The following GNG7 variants were observed in gnomAD, a reference collection of about 807,000 sequenced individuals.
GNG7 encodes the protein G protein subunit gamma 7, also known as guanine nucleotide-binding protein G(I)/G(S)/G(O) subunit gamma-7.
Under a neutral mutation model 4.0 loss-of-function variants are expected in GNG7, and 1 was observed. That is an observed-to-expected ratio of 0.25 (90% CI 0.09 to 1.18). The LOEUF (loss-of-function observed/expected upper bound fraction) is 1.18. GNG7 is among the 50% of genes most tolerant of loss of function. GNG7 has a pLI of 0.50. For missense variants in GNG7, 86 were observed against 91.9 expected (o/e 0.94, Z 0.26); for synonymous variants, 34 against 36.9 (o/e 0.92, Z 0.29).
At chr19:2,688,627 C>A (rs1401785776) in intron 1 of GNG7, among the ~76,000 whole-genome samples, 1 of 152,150 alleles carries the variant, frequency 6.6e-6, no homozygotes, top group African/African-American at 2.4e-5. Flanking sequence ...AGGTAACGAA[C>A]ATCTAAGACA....
At chr19:2,701,618 CA>C (rs1223857685) in intron 1 of GNG7, among the ~76,000 whole-genome samples, 2 of 150,726 alleles carry the variant, frequency 1.3e-5, no homozygotes, top group Non-Finnish European at 3.0e-5. Flanking sequence ...TCACCAACCC[CA>C]TTCCTCAGTC....
chr19:2,512,770 T>G lies in GNG7; in HGVS notation c.*2252A>C. 5.1e-6 allele frequency: 2 copies of G among 392,392 alleles called. No individual in the cohort carries two copies. Among genetic ancestry groups the G allele is most frequent in the Non-Finnish European group, 6.9e-6 (2 of 287,950 alleles). The allele number at this position is 392,392 out of a possible 1,614,324, so 24.3% of individuals were successfully genotyped here. On this transcript the variant is annotated 3_prime_UTR_variant, in exon 5 of 5. Coordinates refer to ENST00000382159, the MANE Select transcript of GNG7 (RefSeq NM_052847.3). This position sits in a 1 kb window ranked among gnomAD's most constrained non-coding sequence, Gnocchi z 4.7. ...TTTTAAGGAAAAACGGGGTGGGGTG[T>G]GTTTGTTCCCAGTTACCAAGATGGC...
intron 2 of GNG7, among the ~76,000 whole-genome samples, chr19:2,621,569 C>T (rs1308593225): frequency 1.3e-5 from 2 of 151,764 alleles, no homozygotes; most frequent in African/African-American, 2.4e-5. Context: ...TGTTGGTGCG[C>T]GCCTGTAATC....
In GNG7 at chr19:2,546,941, G is replaced by A. The variant is rs73921337; in HGVS notation, c.-38+8208C>T. On this transcript the variant is annotated intron_variant, in intron 3 of 4. Transcript: ENST00000382159. This position sits in a 1 kb window ranked among gnomAD's most constrained non-coding sequence, Gnocchi z 6.3. ...GAGGAAATGCTGTCACCCTGGCCCCGGGCCAGGGCAAGGGGCAGCGCCGGC... is the reference window on the plus strand; with the variant it reads ...GAGGAAATGCTGTCACCCTGGCCCCAGGCCAGGGCAAGGGGCAGCGCCGGC... Among the ~76,000 whole-genome samples, 641 of 152,176 alleles carry A rather than the reference G, an allele frequency of 4.2e-3. 3 individuals are homozygous for A. The highest frequency in any genetic ancestry group is 0.014 in the African/African-American group (602 of 41,526).
intron 1 of GNG7, among the ~76,000 whole-genome samples, chr19:2,656,017 T>A (rs1212140023): frequency 8.4e-6 from 1 of 118,514 alleles, no homozygotes; most frequent in African/African-American, 3.6e-5. Flanking sequence ...AGAGTGAGAC[T>A]CCGATTCAAA....
At chr19:2,585,608 C>G (rs1460818806) in intron 2 of GNG7, among the ~76,000 whole-genome samples, 1 of 152,174 alleles carries the variant, frequency 6.6e-6, no homozygotes, top group African/African-American at 2.4e-5. Context: ...GTCTTCATCT[C>G]CAGATTGGGA....
intron 2 of GNG7, among the ~76,000 whole-genome samples, chr19:2,641,520 G>A (rs1176341819): frequency 1.3e-5 from 2 of 152,074 alleles, no homozygotes; most frequent in African/African-American, 2.4e-5. Context: ...AGGGGGCCCC[G>A]AGCCAAGGGA....
At position 2,596,445 on chromosome 19, in the gene GNG7, T is replaced by C. The variant is rs181797655; in HGVS notation, c.-77-41257A>G. ...ACTTTGAAAGGCTGAGGCAGGAAAA[T>C]CACTTGAGCCCAGGAGTTTCAGACC... is the stretch of plus-strand genomic sequence containing the variant. On this transcript the variant is annotated intron_variant, in intron 2 of 4. Coordinates refer to ENST00000382159, the MANE Select transcript of GNG7 (RefSeq NM_052847.3). Among the ~76,000 whole-genome samples, 518 of 151,814 alleles carry C rather than the reference T, an allele frequency of 3.4e-3. 3 individuals are homozygous for C. The highest frequency in any genetic ancestry group is 0.012 in the African/African-American group (504 of 41,356).
At chr19:2,676,828 G>A (rs1262632344) in intron 1 of GNG7, among the ~76,000 whole-genome samples, 9 of 152,100 alleles carry the variant, frequency 5.9e-5, no homozygotes, top group East Asian at 1.9e-4. Context: ...TCAGCCGGGC[G>A]GGTGCAAGAC....
intron 2 of GNG7, among the ~76,000 whole-genome samples, chr19:2,595,661 G>A (rs2144806310): frequency 6.6e-6 from 1 of 151,562 alleles, no homozygotes. Flanking sequence ...CGTGAACCCG[G>A]GAGGCGGAGC....
chr19:2,657,353 AAAAAAAAAAT>A (rs1983010490), intron 1 of GNG7, among the ~76,000 whole-genome samples: 1 of 20,762 alleles, frequency 4.8e-5, no homozygotes, highest in African/African-American at 1.1e-4. Flanking sequence ...AAAAAAAAAA[AAAAAAAAAAT>A]ATATATATAT....
intron 2 of GNG7, among the ~76,000 whole-genome samples, chr19:2,602,910 T>C (rs570978478): frequency 2.8e-5 from 4 of 140,394 alleles, no homozygotes; most frequent in African/African-American, 1.1e-4. Context: ...TCTTTCTTTC[T>C]TTCTTTCTTT....
Position 2,539,601 on chromosome 19 carries a change from G to T in GNG7, c.-38+15548C>A, listed in dbSNP as rs1223044322. ...ATTACAGGCGGGAGACACTGCGCCC[G>T]GCCATAAGCTCAATTTTAGACACAT... On this transcript the variant is annotated intron_variant, in intron 3 of 4. Transcript: ENST00000382159. 2.0e-5 allele frequency among the ~76,000 whole-genome samples: 3 copies of T among 152,002 alleles called. No individual in the cohort carries two copies. The East Asian group carries it at 5.8e-4, about 29-fold the overall frequency.
intron 3 of GNG7, among the ~76,000 whole-genome samples, chr19:2,540,614 T>G (rs1311882200): frequency 6.6e-6 from 1 of 151,968 alleles, no homozygotes; most frequent in Non-Finnish European, 1.5e-5. Flanking sequence ...TGGTTGGAGA[T>G]TTTGCGGGGA....
chr19:2,663,782 C>T (rs1983236940), intron 1 of GNG7, among the ~76,000 whole-genome samples: 1 of 152,176 alleles, frequency 6.6e-6, no homozygotes, highest in African/African-American at 2.4e-5. Flanking sequence ...GTTTTTAAAA[C>T]TGAACAAATC....
intron 1 of GNG7, among the ~76,000 whole-genome samples, chr19:2,661,246 A>ATG (rs1983138713): frequency 2.4e-5 from 1 of 41,448 alleles, no homozygotes; most frequent in Non-Finnish European, 4.7e-5. Flanking sequence ...GAAAGAAAGA[A>ATG]AAGAAAGAAA....
chr19:2,673,939 T>C (rs980340568), intron 1 of GNG7, among the ~76,000 whole-genome samples: 4 of 152,182 alleles, frequency 2.6e-5, no homozygotes, highest in African/African-American at 9.7e-5. Context: ...CTAACTAATA[T>C]AGGCTGTTTC....
chr19:2,665,666 C>G (rs563512296), intron 1 of GNG7, among the ~76,000 whole-genome samples: 5 of 152,216 alleles, frequency 3.3e-5, no homozygotes, highest in African/African-American at 9.6e-5. Context: ...GACCTTCAGT[C>G]CCTTGCCACT....
chr19:2,698,266 C>CA (rs143122682), intron 1 of GNG7, among the ~76,000 whole-genome samples: 14,501 of 137,904 alleles, frequency 0.11, 1,515 homozygotes, highest in African/African-American at 0.28. Context: ...GACCATGTCT[C>CA]AAAAAAAAAA....
Sources: gnomAD v4.1 joint callset for allele counts (sites outside exome capture counted in the v4.1 genomes callset) on GRCh38, gnomAD v4.1.1 for gene constraint, Gnocchi (gnomAD v3.1) non-coding constraint, MANE v1.5 for transcripts, NCBI Gene and HGNC (gene_info 2026-07-23, HGNC 2026-07-21) for gene names.